The following TRIM72 variants were observed in gnomAD, a reference collection of about 807,000 sequenced individuals.
TRIM72 encodes tripartite motif-containing protein 72.
TRIM72 carries 33 observed loss-of-function variants against 31.6 expected under a neutral mutation model. The observed-to-expected ratio is 1.04, with a 90% confidence interval of 0.79 to 1.40. The LOEUF is 1.40. Among genes scored for constraint, TRIM72 ranks in the 40% most tolerant of loss-of-function variants. The pLI is 0.00. For missense variants in TRIM72, 666 were observed against 682.7 expected (o/e 0.98, Z 0.27); for synonymous variants, 301 against 314.4 (o/e 0.96, Z 0.45).
chr16:31,222,875 C>G lies in TRIM72; in HGVS notation c.789C>G (p.Ile263Met). Residue 263 changes from isoleucine (I) to methionine (M), a missense_variant, in exon 6 of 7, where the codon ATC (isoleucine) becomes ATG (methionine). Transcript: ENST00000322122. The stretch of plus-strand genomic sequence containing the variant: ...CTCCCCCACCCGCCCGTCTGGACAT[C>G]CAGCTGCCAATTATCTCAGATGACT... Reference protein sequence around the residue: ...AESPPPARLDIQLPIISDDFK... With the variant: ...AESPPPARLDMQLPIISDDFK... 1.3e-6 allele frequency: 2 copies of G among 1,505,428 alleles called. No homozygotes were observed. Among genetic ancestry groups the G allele is most frequent in the Non-Finnish European group, 1.8e-6 (2 of 1,126,632 alleles). 93.3% of individuals were successfully genotyped at this position (1,505,428 alleles called of 1,614,324 possible). A position where few individuals can be genotyped will look rare whatever the true frequency, so the allele number is the denominator to read the frequency against.
At chr16:31,218,267 G>A (rs2144191802) in intron 2 of TRIM72, among the ~76,000 whole-genome samples, 1 of 152,284 alleles carries the variant, frequency 6.6e-6, no homozygotes, top group African/African-American at 2.4e-5. Context: ...AAGGGGCTGG[G>A]GGTGTGGCGG....
Position 31,224,651 on chromosome 16 carries a change from C to T in TRIM72, c.1330C>T (p.Arg444Cys), listed in dbSNP as rs540011147. ...ALVPLFAFHE[R>C]LPRPVYPFFD... ...CGTGCCGCTTTTTGCCTTCCACGAG[C>T]GCCTGCCCAGGCCCGTGTACCCCTT... The change falls in exon 7 of 7, where the codon CGC becomes TGC. Residue 444 changes from arginine (R) to cysteine (C), a missense_variant. Transcript: ENST00000322122. The T allele has an allele frequency of 7.8e-6, 12 of 1,547,864 alleles. No homozygotes were observed. The South Asian group carries it at 8.2e-5, about 11-fold the overall frequency.
chr16:31,224,176 G>A lies in TRIM72; in HGVS notation c.860-5G>A. Reference sequence around the variant, plus strand: ...AGGGTTTTCTGACCGTGTTCTCTCTGGCAGCGCTGGAGGAGCTGACCTTTG... The same window carrying A: ...AGGGTTTTCTGACCGTGTTCTCTCTAGCAGCGCTGGAGGAGCTGACCTTTG... On this transcript the variant is annotated splice_polypyrimidine_tract_variant and splice_region_variant and intron_variant, in intron 6 of 6. Transcript: ENST00000322122. The A allele has an allele frequency of 6.2e-7, 1 of 1,601,342 alleles. No individual in the cohort carries two copies. Among genetic ancestry groups the A allele is most frequent in the Non-Finnish European group, 8.5e-7 (1 of 1,179,682 alleles).
At position 31,224,548 on chromosome 16, in the gene TRIM72, G is replaced by A; in HGVS notation, c.1227G>A (p.Arg409=). 2.0e-6 allele frequency: 3 copies of A among 1,532,296 alleles called. No individual in the cohort carries two copies. Among genetic ancestry groups the A allele is most frequent in the Non-Finnish European group, 2.6e-6 (3 of 1,143,708 alleles). 94.9% of individuals were successfully genotyped at this position (1,532,296 alleles called of 1,614,324 possible). ...GCGCTCTGCGCAGCCCCGAGAGGCG[G>A]CCCACGCGCATTGGCCTTTACCTGA... ...EPRALRSPER[R]PTRIGLYLSF... is the part of the protein sequence containing the mutation. Residue 409 remains arginine (R), a synonymous_variant, in exon 7 of 7, where the codon CGG becomes CGA. Transcript: ENST00000322122.
rs1370709822 is a variant in TRIM72, at chr16:31,227,319, A to G, written c.*2564A>G. 1 of 152,206 alleles carries G rather than the reference A, an allele frequency of 6.6e-6. No homozygotes were observed. The highest frequency in any genetic ancestry group is 1.9e-4 in the East Asian group (1 of 5,200). 9.4% of individuals were successfully genotyped at this position (152,206 alleles called of 1,614,324 possible). A position where few individuals can be genotyped will look rare whatever the true frequency, so the allele number is the denominator to read the frequency against. On this transcript the variant is annotated 3_prime_UTR_variant, in exon 7 of 7. Transcript: ENST00000322122. ...AACTTTCAACAACTCCCTCTTGCCT[A>G]CAGGATAAAGCCCCCAGTCTTTGGC...
In TRIM72 at chr16:31,215,924, G is replaced by A. The variant is rs1214140149; in HGVS notation, c.390+796G>A. 16 of 152,242 alleles carry A rather than the reference G, an allele frequency of 1.1e-4. No homozygotes were observed. The highest frequency in any genetic ancestry group is 9.8e-4 in the Admixed American group (15 of 15,278). The allele number at this position is 152,242 out of a possible 1,614,324, so 9.4% of individuals were successfully genotyped here. On this transcript the variant is annotated intron_variant, in intron 2 of 6. Coordinates refer to ENST00000322122, the MANE Select transcript of TRIM72 (RefSeq NM_001008274.4). The surrounding 1 kb of genome is among the most constrained non-coding windows in gnomAD (Gnocchi z 6.3). ...TCATCCGTGTGGCAAAAGCACACACGTATAGCTACCGGCGGGCACGTGTGC... is the reference window on the plus strand; with the variant it reads ...TCATCCGTGTGGCAAAAGCACACACATATAGCTACCGGCGGGCACGTGTGC...
Position 31,219,501 on chromosome 16 carries a change from G to T in TRIM72, c.699G>T (p.Pro233=). 1 of 1,611,722 alleles carries T rather than the reference G, an allele frequency of 6.2e-7. No individual in the cohort carries two copies. Among genetic ancestry groups the T allele is most frequent in the South Asian group, 1.1e-5 (1 of 90,908 alleles). ...EKVLEEVADK[P]QTEFLMKYCL... ...TCCTGGAGGAGGTGGCGGACAAGCC[G>T]CAGACTGAGTTCCTCATGGTGAGCA... The change falls in exon 4 of 7, where the codon CCG becomes CCT. Residue 233 remains proline (P), a synonymous_variant. Coordinates refer to ENST00000322122, the MANE Select transcript of TRIM72 (RefSeq NM_001008274.4). This position sits in a 1 kb window ranked among gnomAD's most constrained non-coding sequence, Gnocchi z 4.2.
In TRIM72 at chr16:31,215,063, G is replaced by A. The variant is rs941699631; in HGVS notation, c.325G>A (p.Ala109Thr). 3 of 1,470,698 alleles carry A rather than the reference G, an allele frequency of 2.0e-6. No homozygotes were observed. Among genetic ancestry groups the A allele is most frequent in the African/African-American group, 1.5e-5 (1 of 68,316 alleles). 91.1% of individuals were successfully genotyped at this position (1,470,698 alleles called of 1,614,324 possible). Residue 109 changes from alanine (A) to threonine (T), a missense_variant, in exon 2 of 7, where the codon GCC becomes ACC. Transcript: ENST00000322122. The surrounding 1 kb of genome is among the most constrained non-coding windows in gnomAD (Gnocchi z 6.3). ...QDRALVCGVCASLGSHRGHRL... is the reference protein window; with the variant it reads ...QDRALVCGVCTSLGSHRGHRL... The stretch of plus-strand genomic sequence containing the variant: ...CCGCGCGCTGGTGTGCGGAGTGTGC[G>A]CCTCACTCGGCTCGCACCGCGGTCA...
Position 31,215,505 on chromosome 16 carries a change from G to A in TRIM72, c.390+377G>A, listed in dbSNP as rs74325330. Among the ~76,000 whole-genome samples the A allele has an allele frequency of 0.03, 4,612 of 152,306 alleles. 214 individuals are homozygous for A. Among genetic ancestry groups the A allele is most frequent in the African/African-American group, 0.099 (4,116 of 41,562 alleles). Reference sequence around the variant, plus strand: ...GCCCACGCTCGCATTCCTGCACCCGGTGGGCCGTTCGGGCTGGCTCCCTGC... The same window carrying A: ...GCCCACGCTCGCATTCCTGCACCCGATGGGCCGTTCGGGCTGGCTCCCTGC... On this transcript the variant is annotated intron_variant, in intron 2 of 6. Coordinates refer to ENST00000322122, the MANE Select transcript of TRIM72 (RefSeq NM_001008274.4). The surrounding 1 kb of genome is among the most constrained non-coding windows in gnomAD (Gnocchi z 6.3).
At position 31,228,613 on chromosome 16, in the gene TRIM72, C is replaced by T. The variant is rs1228101818; in HGVS notation, c.*3858C>T. ...TTGAGATGCAGTCTTGCTCTGTCGCCCAGGCTGGAGTGCAATGGTGCTATC... is the reference window on the plus strand; with the variant it reads ...TTGAGATGCAGTCTTGCTCTGTCGCTCAGGCTGGAGTGCAATGGTGCTATC... On this transcript the variant is annotated 3_prime_UTR_variant, in exon 7 of 7. Coordinates refer to ENST00000322122, the MANE Select transcript of TRIM72 (RefSeq NM_001008274.4). The T allele has an allele frequency of 6.5e-6, 1 of 153,030 alleles. No individual in the cohort carries two copies. Among genetic ancestry groups the T allele is most frequent in the Non-Finnish European group, 1.4e-5 (1 of 69,844 alleles). The allele number at this position is 153,030 out of a possible 1,614,324, so 9.5% of individuals were successfully genotyped here.
In TRIM72 at chr16:31,216,695, G is replaced by T; in HGVS notation, c.390+1567G>T. ...AGGAAGGCTCTGGGCGGGACCTGAC[G>T]CGTGGGTCCTTGGCGAGGAAGCGGG... On this transcript the variant is annotated intron_variant, in intron 2 of 6. Transcript: ENST00000322122. The surrounding 1 kb of genome is among the most constrained non-coding windows in gnomAD (Gnocchi z 6.7). 1 of 1,538,512 alleles carries T rather than the reference G, an allele frequency of 6.5e-7. No homozygotes were observed. Among genetic ancestry groups the T allele is most frequent in the Non-Finnish European group, 8.8e-7 (1 of 1,136,826 alleles).
rs1375156150 is a variant in TRIM72 at position 31,225,527 on chromosome 16, A to G, written c.*772A>G. Reference sequence around the variant, plus strand: ...TTCTCCTTAGTTCTCCACCTTAGGCATGCATTAAAATCACCTTTTTAAAGC... The same window carrying G: ...TTCTCCTTAGTTCTCCACCTTAGGCGTGCATTAAAATCACCTTTTTAAAGC... On this transcript the variant is annotated 3_prime_UTR_variant, in exon 7 of 7. Coordinates refer to ENST00000322122, the MANE Select transcript of TRIM72 (RefSeq NM_001008274.4). The G allele has an allele frequency of 6.6e-6, 1 of 151,810 alleles. No individual in the cohort carries two copies. 9.4% of individuals were successfully genotyped at this position (151,810 alleles called of 1,614,324 possible).
rs1397026037 is a variant in TRIM72 at position 31,224,402 on chromosome 16, G to A, written c.1081G>A (p.Val361Met). 2 of 1,440,054 alleles carry A rather than the reference G, an allele frequency of 1.4e-6. No individual in the cohort carries two copies. 89.2% of individuals were successfully genotyped at this position (1,440,054 alleles called of 1,614,324 possible). The change falls in exon 7 of 7, where the codon GTG (valine) becomes ATG (methionine). Residue 361 changes from valine (V) to methionine (M), a missense_variant. Coordinates refer to ENST00000322122, the MANE Select transcript of TRIM72 (RefSeq NM_001008274.4). ...VGDKPRWALGVIAAEAPRRGR... is the reference protein window; with the variant it reads ...VGDKPRWALGMIAAEAPRRGR... ...CGACAAGCCGCGCTGGGCGCTGGGC[G>A]TGATCGCGGCCGAGGCCCCCCGCCG...
At position 31,225,801 on chromosome 16, in the gene TRIM72, C is replaced by A. The variant is rs373217335; in HGVS notation, c.*1046C>A. ...CCAAGTAGCTGGGACTACAGACGCCCGCCACCACACCTGGCTATTTATTTT... is the reference window on the plus strand; with the variant it reads ...CCAAGTAGCTGGGACTACAGACGCCAGCCACCACACCTGGCTATTTATTTT... On this transcript the variant is annotated 3_prime_UTR_variant, in exon 7 of 7. Transcript: ENST00000322122. The A allele has an allele frequency of 3.3e-5, 5 of 151,000 alleles. No individual in the cohort carries two copies. The highest frequency in any genetic ancestry group is 4.4e-5 in the Non-Finnish European group (3 of 67,750). 9.4% of individuals were successfully genotyped at this position (151,000 alleles called of 1,614,324 possible). A position where few individuals can be genotyped will look rare whatever the true frequency, so the allele number is the denominator to read the frequency against.
At chr16:31,223,021 TC>T in intron 6 of TRIM72, 76 bp downstream of exon 6, 2 of 1,144,888 alleles carry the variant, frequency 1.7e-6, no homozygotes, top group Non-Finnish European at 2.5e-6. Flanking sequence ...TGGAGAGGCC[TC>T]CCAGTCCCAA....
rs2079540348 is a variant in TRIM72, at chr16:31,222,874, T to C, written c.788T>C (p.Ile263Thr). ...AESPPPARLD[I>T]QLPIISDDFK... ...TCTCCCCCACCCGCCCGTCTGGACA[T>C]CCAGCTGCCAATTATCTCAGATGAC... The change falls in exon 6 of 7, where the codon ATC becomes ACC. Residue 263 changes from isoleucine to threonine, a missense_variant. Transcript: ENST00000322122. 7.5e-7 allele frequency: 1 copy of C among 1,336,306 alleles called. No homozygotes were observed. The highest frequency in any genetic ancestry group is 9.8e-7 in the Non-Finnish European group (1 of 1,024,180). The allele number at this position is 1,336,306 out of a possible 1,614,324, so 82.8% of individuals were successfully genotyped here.
chr16:31,219,664 GGTT>G lies in TRIM72; in HGVS notation c.717+149_717+151del. 1.4e-6 allele frequency: 1 copy of G among 707,524 alleles called. No individual in the cohort carries two copies. The highest frequency in any genetic ancestry group is 2.7e-5 in the East Asian group (1 of 37,028). 43.8% of individuals were successfully genotyped at this position (707,524 alleles called of 1,614,324 possible). A position where few individuals can be genotyped will look rare whatever the true frequency, so the allele number is the denominator to read the frequency against. On this transcript the variant is annotated intron_variant, in intron 4 of 6. Coordinates refer to ENST00000322122, the MANE Select transcript of TRIM72 (RefSeq NM_001008274.4). This position sits in a 1 kb window ranked among gnomAD's most constrained non-coding sequence, Gnocchi z 4.2. The stretch of plus-strand genomic sequence containing the variant: ...GGGGCAGGCCTCAGGACTGCTATAT[GGTT>G]GTTTAGGTTGAGCACTGCATAAGGA...
At chr16:31,217,660 G>C (rs2079516624) in intron 2 of TRIM72, among the ~76,000 whole-genome samples, 1 of 150,718 alleles carries the variant, frequency 6.6e-6, no homozygotes, top group South Asian at 2.1e-4. Flanking sequence ...TGTCGCCCAG[G>C]CTAGAGTGCA....
rs564088543 is a variant in TRIM72, at chr16:31,219,040, G to A, written c.391-55G>A. The A allele has an allele frequency of 2.7e-6, 4 of 1,497,998 alleles. No homozygotes were observed. The highest frequency in any genetic ancestry group is 2.5e-5 in the East Asian group (1 of 40,596). The allele number at this position is 1,497,998 out of a possible 1,614,324, so 92.8% of individuals were successfully genotyped here. On this transcript the variant is annotated intron_variant, in intron 2 of 6. Coordinates refer to ENST00000322122, the MANE Select transcript of TRIM72 (RefSeq NM_001008274.4). This position sits in a 1 kb window ranked among gnomAD's most constrained non-coding sequence, Gnocchi z 4.2. ...ACAGAGGGCAGGTTTAGGATGGGAGGTGTGGGTTTTGGGTGGGTGGCATCC... is the reference window on the plus strand; with the variant it reads ...ACAGAGGGCAGGTTTAGGATGGGAGATGTGGGTTTTGGGTGGGTGGCATCC...
Sources: gnomAD v4.1 joint callset for allele counts (sites outside exome capture counted in the v4.1 genomes callset) on GRCh38, gnomAD v4.1.1 for gene constraint, Gnocchi (gnomAD v3.1) non-coding constraint, MANE v1.5 for transcripts, NCBI Gene and HGNC (gene_info 2026-07-23, HGNC 2026-07-21) for gene names.